VWC2L: variants seen among roughly 807,000 people sequenced by gnomAD.
The protein encoded by VWC2L is von Willebrand factor C domain containing 2 like.
Under a neutral mutation model 21.6 loss-of-function variants are expected in VWC2L, and 10 were observed. The observed-to-expected ratio is 0.46, with a 90% CI of 0.29 to 0.78. The LOEUF is 0.78. VWC2L is among the 30% of genes least tolerant of loss of function. The pLI is 0.10. For missense variants in VWC2L, 209 were observed against 277.1 expected (o/e 0.75, Z 1.74); for synonymous variants, 96 against 94.3 (o/e 1.02, Z -0.10).
chr2:214,437,410 T>C (rs1005130935), intron 3 of VWC2L, among the ~76,000 whole-genome samples: 1 of 152,078 alleles, frequency 6.6e-6, no homozygotes, highest in East Asian at 1.9e-4. Context: ...AATATCCTAA[T>C]CACCCAAAAT....
chr2:214,557,609 T>C (rs1232641824), intron 3 of VWC2L, among the ~76,000 whole-genome samples: 1 of 152,210 alleles, frequency 6.6e-6, no homozygotes, highest in Non-Finnish European at 1.5e-5. Flanking sequence ...CCCAGTCAGC[T>C]AGACTTTTTA....
intron 3 of VWC2L, among the ~76,000 whole-genome samples, chr2:214,492,550 A>T (rs1370070974): frequency 6.6e-6 from 1 of 152,220 alleles, no homozygotes; most frequent in African/African-American, 2.4e-5. Context: ...ACCAAAGAAG[A>T]AAATGGAGAA....
At chr2:214,472,577 A>G (rs1703325613) in intron 3 of VWC2L, among the ~76,000 whole-genome samples, 2 of 152,196 alleles carry the variant, frequency 1.3e-5, no homozygotes, top group Non-Finnish European at 2.9e-5. Context: ...GATAAGAACC[A>G]CCTTTGAATA....
chr2:214,499,932 T>C (rs1688868262), intron 3 of VWC2L, among the ~76,000 whole-genome samples: 3 of 152,222 alleles, frequency 2.0e-5, no homozygotes, highest in South Asian at 2.1e-4. Flanking sequence ...AGTGAGTTTA[T>C]AGACAATGAT....
At chr2:214,574,220 A>G (rs879780521) in intron 3 of VWC2L, among the ~76,000 whole-genome samples, 2 of 152,198 alleles carry the variant, frequency 1.3e-5, no homozygotes, top group Admixed American at 6.5e-5. Context: ...GCTGTTTGTC[A>G]GAGCTGACCC....
chr2:214,565,233 A>G (rs12465921), intron 3 of VWC2L, among the ~76,000 whole-genome samples: 97,998 of 151,998 alleles, frequency 0.64, 34,755 homozygotes, highest in East Asian at 0.83. Context: ...AAACTTCAAA[A>G]ACCACTCTAC....
At chr2:214,554,943 C>T (rs1382410306) in intron 3 of VWC2L, among the ~76,000 whole-genome samples, 2 of 152,166 alleles carry the variant, frequency 1.3e-5, no homozygotes, top group African/African-American at 4.8e-5. Flanking sequence ...TCCTCCTTCC[C>T]TTTCCTGGCC....
At chr2:214,570,715 T>TTTTCCTA (rs1452700670) in intron 3 of VWC2L, among the ~76,000 whole-genome samples, 3 of 152,068 alleles carry the variant, frequency 2.0e-5, no homozygotes, top group Non-Finnish European at 4.4e-5. Flanking sequence ...CATGTGTGAA[T>TTTTCCTA]TTTCCTACCT....
At chr2:214,499,912 A>T (rs1356436556) in intron 3 of VWC2L, among the ~76,000 whole-genome samples, 2 of 152,314 alleles carry the variant, frequency 1.3e-5, no homozygotes, top group South Asian at 4.1e-4. Context: ...AAAATGTCAA[A>T]AGTAGGGAGA....
At chr2:214,489,274 TC>T (rs1434006183) in intron 3 of VWC2L, among the ~76,000 whole-genome samples, 2 of 152,154 alleles carry the variant, frequency 1.3e-5, no homozygotes, top group African/African-American at 4.8e-5. Flanking sequence ...ACAGTTATTA[TC>T]CAGAAGATGT....
intron 2 of VWC2L, among the ~76,000 whole-genome samples, chr2:214,435,301 G>A (rs1702662297): frequency 6.6e-6 from 1 of 152,128 alleles, no homozygotes. Context: ...TCACCACATG[G>A]TAAAGAGTTT....
chr2:214,534,382 G>A (rs766346713), intron 3 of VWC2L, among the ~76,000 whole-genome samples: 3 of 152,112 alleles, frequency 2.0e-5, no homozygotes, highest in East Asian at 1.9e-4. Context: ...GTATCTCTGC[G>A]TTCTTTGATA....
chr2:214,555,653 C>A (rs764552469), intron 3 of VWC2L, among the ~76,000 whole-genome samples: 1 of 152,148 alleles, frequency 6.6e-6, no homozygotes, highest in Non-Finnish European at 1.5e-5. Flanking sequence ...TTCTCCTGAT[C>A]GCTGTTGTCT....
intron 3 of VWC2L, among the ~76,000 whole-genome samples, chr2:214,544,459 G>A: frequency 6.6e-6 from 1 of 152,110 alleles, no homozygotes; most frequent in East Asian, 1.9e-4. Context: ...AATTCCTTAG[G>A]CCTGGAGGTC....
At chr2:214,501,981 G>A (rs981461079) in intron 3 of VWC2L, among the ~76,000 whole-genome samples, 7 of 152,292 alleles carry the variant, frequency 4.6e-5, no homozygotes, top group African/African-American at 1.4e-4. Flanking sequence ...GTGGCTACCA[G>A]CAAGATGAGC....
At chr2:214,439,089 A>C (rs966114540) in intron 3 of VWC2L, among the ~76,000 whole-genome samples, 31 of 152,110 alleles carry the variant, frequency 2.0e-4, no homozygotes, top group Admixed American at 1.4e-3. Context: ...TATGCCCCAA[A>C]ACTAAAGTAT....
intron 3 of VWC2L, among the ~76,000 whole-genome samples, chr2:214,471,711 T>G (rs1703312864): frequency 6.6e-6 from 1 of 152,236 alleles, no homozygotes; most frequent in African/African-American, 2.4e-5. Flanking sequence ...TAAACTCTAT[T>G]AACAAAGGGC....
At chr2:214,451,308 T>TA (rs71399133) in intron 3 of VWC2L, among the ~76,000 whole-genome samples, 1 of 112,022 alleles carries the variant, frequency 8.9e-6, no homozygotes, top group Non-Finnish European at 2.0e-5. Flanking sequence ...TGGGTCGGTG[T>TA]GGGGGGGGGG....
At chr2:214,550,285 G>T (rs1689773180) in intron 3 of VWC2L, among the ~76,000 whole-genome samples, 1 of 152,118 alleles carries the variant, frequency 6.6e-6, no homozygotes, top group Non-Finnish European at 1.5e-5. Flanking sequence ...CTCGGCCATA[G>T]GAGTGGTTAA....
Sources: gnomAD v4.1 joint callset for allele counts (sites outside exome capture counted in the v4.1 genomes callset) on GRCh38, gnomAD v4.1.1 for gene constraint, MANE v1.5 for transcripts, NCBI Gene and HGNC (gene_info 2026-07-23, HGNC 2026-07-21) for gene names.